Variants in RTL4 observed in about 807,000 individuals in gnomAD.
RTL4 encodes retrotransposon Gag like 4.
A neutral mutation model predicts 5.3 loss-of-function variants in RTL4; 4 were observed. That is an observed-to-expected ratio of 0.75 (90% CI 0.37 to 1.72). The LOEUF (loss-of-function observed/expected upper bound fraction) is 1.72. Among genes scored for constraint, RTL4 ranks in the 40% most tolerant of loss-of-function variants. RTL4 has a pLI of 0.04. For synonymous variants in RTL4, 98 were observed against 87.3 expected (o/e 1.12, Z -0.68); for missense variants, 260 against 227.1 (o/e 1.14, Z -0.93).
the RTL4 span, among the ~76,000 whole-genome samples, chrX:112,203,175 G>A: frequency 7.2e-5 from 8 of 110,420 alleles, no homozygotes; most frequent in Non-Finnish European, 1.5e-4. Context: ...GAACATAGGG[G>A]TTGCGAATAT....
At chrX:112,091,311 T>C in the RTL4 span, among the ~76,000 whole-genome samples, 2 of 111,859 alleles carry the variant, frequency 1.8e-5, no homozygotes, top group East Asian at 5.6e-4. Flanking sequence ...ATTTGTTCTA[T>C]TACTAGTTCC....
chrX:112,297,556 T>G, the RTL4 span, among the ~76,000 whole-genome samples: 1 of 111,288 alleles, frequency 9.0e-6, no homozygotes, highest in Admixed American at 9.6e-5. Flanking sequence ...AAAACCATCC[T>G]CATGATCCAA....
chrX:112,326,319 G>A, the RTL4 span, among the ~76,000 whole-genome samples: 1 of 111,656 alleles, frequency 9.0e-6, no homozygotes, highest in African/African-American at 3.3e-5. Context: ...GCTGAAGCAG[G>A]GCAAGGCATT....
chrX:112,446,325 A>G, the RTL4 span, among the ~76,000 whole-genome samples: 2 of 111,568 alleles, frequency 1.8e-5, no homozygotes, highest in African/African-American at 6.5e-5. Context: ...AGTAGCCACA[A>G]ACTAAATGAC....
chrX:112,337,617 T>C, the RTL4 span, among the ~76,000 whole-genome samples: 1 of 112,046 alleles, frequency 8.9e-6, no homozygotes, highest in Non-Finnish European at 1.9e-5. Flanking sequence ...ACATTTTCTG[T>C]AGATGCACTT....
At chrX:112,420,862 T>C in the RTL4 span, among the ~76,000 whole-genome samples, 1 of 112,029 alleles carries the variant, frequency 8.9e-6, no homozygotes, top group African/African-American at 3.2e-5. Flanking sequence ...ATCATACTTA[T>C]CTACATCTTA....
At chrX:112,281,636 A>T in the RTL4 span, among the ~76,000 whole-genome samples, 2 of 110,783 alleles carry the variant, frequency 1.8e-5, no homozygotes, top group African/African-American at 3.3e-5. Context: ...TTTTCTCCAT[A>T]TTCTCACCAG....
chrX:112,248,039 T>A, the RTL4 span, among the ~76,000 whole-genome samples: 2 of 112,492 alleles, frequency 1.8e-5, no homozygotes, highest in Admixed American at 1.9e-4. Context: ...CCTCAAACCT[T>A]TGAGTTTTTA....
chrX:112,256,199 A>T, the RTL4 span, among the ~76,000 whole-genome samples: 1,694 of 112,144 alleles, frequency 0.015, 32 homozygotes, highest in African/African-American at 0.052. Context: ...AAAATGTATA[A>T]AAAATGTAGT....
chrX:112,437,469 AGTTT>A, the RTL4 span, among the ~76,000 whole-genome samples: 2 of 111,801 alleles, frequency 1.8e-5, no homozygotes, highest in African/African-American at 6.5e-5. Context: ...GATGTTAATT[AGTTT>A]AATTTAATCT....
the RTL4 span, among the ~76,000 whole-genome samples, chrX:112,401,617 A>AT: frequency 1.2e-5 from 1 of 83,716 alleles, no homozygotes; most frequent in East Asian, 3.2e-4. Flanking sequence ...AAAATTCTAG[A>AT]CTTTTTTTTT....
At chrX:112,213,794 ACTTT>A in the RTL4 span, among the ~76,000 whole-genome samples, 1 of 108,333 alleles carries the variant, frequency 9.2e-6, no homozygotes, top group Non-Finnish European at 1.9e-5. Flanking sequence ...ACTCCCCATG[ACTTT>A]CTTCCTGAGC....
At chrX:112,402,399 A>ATT in the RTL4 span, among the ~76,000 whole-genome samples, 18 of 62,044 alleles carry the variant, frequency 2.9e-4, no homozygotes, top group Non-Finnish European at 4.7e-4. Flanking sequence ...CGGAATTATT[A>ATT]TTGTGTGTGT....
the RTL4 span, among the ~76,000 whole-genome samples, chrX:112,132,264 T>C: frequency 1.8e-5 from 2 of 111,781 alleles, no homozygotes. Flanking sequence ...CTTACAAAGA[T>C]TCAATTTGAT....
chrX:112,450,427 T>C (rs774520311), upstream of RTL4, among the ~76,000 whole-genome samples: 25 of 112,210 alleles, frequency 2.2e-4, no homozygotes, highest in Non-Finnish European at 4.3e-4. Context: ...TATTTCAGGT[T>C]TTGGCTCTAT....
At chrX:112,248,965 C>G in the RTL4 span, among the ~76,000 whole-genome samples, 61 of 112,469 alleles carry the variant, frequency 5.4e-4, no homozygotes, top group Non-Finnish European at 9.4e-4. Context: ...GCCTGATGAT[C>G]TATTGCTGGC....
the RTL4 span, among the ~76,000 whole-genome samples, chrX:112,099,302 T>G: frequency 8.9e-6 from 1 of 111,795 alleles, no homozygotes; most frequent in Non-Finnish European, 1.9e-5. Context: ...AGTCACTACA[T>G]GCATTAGTGC....
At chrX:112,401,724 C>T in the RTL4 span, among the ~76,000 whole-genome samples, 3 of 111,428 alleles carry the variant, frequency 2.7e-5, no homozygotes, top group Admixed American at 2.9e-4. Flanking sequence ...CTGCCTTCAC[C>T]TCAAATTTGC....
At chrX:112,216,838 C>T in the RTL4 span, among the ~76,000 whole-genome samples, 142 of 111,920 alleles carry the variant, frequency 1.3e-3, no homozygotes, top group African/African-American at 4.3e-3. Flanking sequence ...GTGGAACAGA[C>T]CATTAAAATC....
Sources: gnomAD v4.1 joint callset for allele counts (sites outside exome capture counted in the v4.1 genomes callset) on GRCh38, gnomAD v4.1.1 for gene constraint, MANE v1.5 for transcripts, NCBI Gene and HGNC (gene_info 2026-07-23, HGNC 2026-07-21) for gene names.